Variants in PSD3 observed in about 807,000 individuals in gnomAD.
PSD3 encodes the protein PH and SEC7 domain-containing protein 3.
A neutral mutation model predicts 105.5 loss-of-function variants in PSD3; 49 were observed. The ratio of observed to expected loss-of-function variants is 0.46; its 90% CI spans 0.37 to 0.59. The LOEUF is 0.59. Among genes scored for constraint, PSD3 ranks in the 20% least tolerant of loss-of-function variants. PSD3 has a pLI of 0.00. For missense variants in PSD3, 1,561 were observed against 1,263.8 expected (o/e 1.24, Z -3.57); for synonymous variants, 557 against 457.8 (o/e 1.22, Z -2.77).
chr8:18,660,367 C>T (rs1809257743), intron 9 of PSD3, among the ~76,000 whole-genome samples: 1 of 152,104 alleles, frequency 6.6e-6, no homozygotes, highest in Non-Finnish European at 1.5e-5. Context: ...TGATTTCAGA[C>T]CTCTGGCCTC....
chr8:18,633,726 G>C (rs1368189361), intron 10 of PSD3, among the ~76,000 whole-genome samples: 4 of 152,080 alleles, frequency 2.6e-5, no homozygotes, highest in African/African-American at 4.8e-5. Context: ...AAACCTATGA[G>C]TGCATGTGTC....
At chr8:18,672,377 T>C (rs1230998900) in intron 9 of PSD3, among the ~76,000 whole-genome samples, 1 of 151,972 alleles carries the variant, frequency 6.6e-6, no homozygotes, top group Non-Finnish European at 1.5e-5. Flanking sequence ...GACTTTGACA[T>C]TTAGAGAGAA....
chr8:18,659,960 C>T (rs996149403), intron 9 of PSD3, among the ~76,000 whole-genome samples: 7 of 152,140 alleles, frequency 4.6e-5, no homozygotes, highest in African/African-American at 1.2e-4. Context: ...AAAGTTACCA[C>T]ATGGACCTTA....
intron 8 of PSD3, among the ~76,000 whole-genome samples, chr8:18,787,603 A>G (rs115678031): frequency 6.6e-6 from 1 of 152,170 alleles, no homozygotes; most frequent in Admixed American, 6.5e-5. Context: ...AATATTAATC[A>G]AAAGTCAAAA....
chr8:19,037,978 G>A (rs1026677366), intron 1 of PSD3, among the ~76,000 whole-genome samples: 3 of 149,080 alleles, frequency 2.0e-5, no homozygotes, highest in African/African-American at 7.4e-5. Context: ...ATAATTTTAG[G>A]AGAAAATTTA....
rs188386385 is a variant in PSD3, at chr8:18,718,067, C to T, written c.2172+47382G>A. Among the ~76,000 whole-genome samples, 361 of 152,254 alleles carry T rather than the reference C, an allele frequency of 2.4e-3. 1 individual carries two copies. The highest frequency in any genetic ancestry group is 8.1e-3 in the African/African-American group (338 of 41,524). On this transcript the variant is annotated intron_variant, in intron 9 of 15. Transcript: ENST00000327040. ...TTAACAGTCTTTCTTCAAGCACATT[C>T]GGCAGAAATGGAATTAGTTTCACCC...
At chr8:18,738,252 GAGA>G (rs541194925) in intron 9 of PSD3, among the ~76,000 whole-genome samples, 37 of 152,250 alleles carry the variant, frequency 2.4e-4, no homozygotes, top group African/African-American at 8.4e-4. Flanking sequence ...CCATGGCAGT[GAGA>G]AGGACAAGTA....
chr8:18,988,006 A>C (rs1164402124), intron 1 of PSD3, among the ~76,000 whole-genome samples: 3 of 149,702 alleles, frequency 2.0e-5, no homozygotes, highest in African/African-American at 7.3e-5. Context: ...AATAACACCG[A>C]ACAAAACAAA....
chr8:18,882,909 A>T (rs1818211712), intron 2 of PSD3, among the ~76,000 whole-genome samples: 1 of 152,048 alleles, frequency 6.6e-6, no homozygotes, highest in African/African-American at 2.4e-5. Flanking sequence ...ATAGTGGAGT[A>T]TGTATGTCTG....
chr8:18,997,130 T>A (rs1826123582), intron 1 of PSD3, among the ~76,000 whole-genome samples: 4 of 151,828 alleles, frequency 2.6e-5, no homozygotes, highest in Admixed American at 1.3e-4. Flanking sequence ...CCCTGTGGAT[T>A]TCATCCAGTT....
chr8:18,916,828 T>C (rs1820644530), intron 2 of PSD3, among the ~76,000 whole-genome samples: 1 of 152,094 alleles, frequency 6.6e-6, no homozygotes, highest in Non-Finnish European at 1.5e-5. Context: ...GATATAATAC[T>C]GTATGCCATA....
chr8:18,868,493 G>A (rs1817110521), intron 3 of PSD3, among the ~76,000 whole-genome samples: 1 of 152,098 alleles, frequency 6.6e-6, no homozygotes, highest in Admixed American at 6.5e-5. Flanking sequence ...TTCATCAGTT[G>A]ATTAATACTT....
chr8:18,880,141 G>T (rs1286069945), intron 2 of PSD3, among the ~76,000 whole-genome samples: 1 of 151,976 alleles, frequency 6.6e-6, no homozygotes, highest in Non-Finnish European at 1.5e-5. Flanking sequence ...CTTTTATTTA[G>T]AATTTCTGAT....
chr8:18,772,185 G>A (rs1322455406), intron 8 of PSD3, among the ~76,000 whole-genome samples: 3 of 152,138 alleles, frequency 2.0e-5, no homozygotes, highest in Non-Finnish European at 4.4e-5. Context: ...GTGTGGCTAC[G>A]AACATGGGTG....
chr8:18,607,882 T>C (rs911762237), intron 11 of PSD3, among the ~76,000 whole-genome samples: 7 of 152,052 alleles, frequency 4.6e-5, no homozygotes, highest in South Asian at 2.1e-4. Flanking sequence ...CTTCTTCACA[T>C]AGCAGCAGCA....
chr8:18,581,363 A>C (rs370880899), intron 12 of PSD3, among the ~76,000 whole-genome samples: 5 of 152,138 alleles, frequency 3.3e-5, no homozygotes, highest in Non-Finnish European at 7.4e-5. Context: ...CACATTTTTT[A>C]GGTACTCTTG....
chr8:18,893,611 G>A (rs1039577192), intron 2 of PSD3, among the ~76,000 whole-genome samples: 3 of 152,090 alleles, frequency 2.0e-5, no homozygotes, highest in African/African-American at 7.2e-5. Context: ...GGGTATCGGT[G>A]GGCTAGAGGG....
At chr8:18,716,745 G>A (rs1270317409) in intron 9 of PSD3, among the ~76,000 whole-genome samples, 2 of 152,158 alleles carry the variant, frequency 1.3e-5, no homozygotes, top group African/African-American at 4.8e-5. Flanking sequence ...TGTTCTCCAT[G>A]CTTGATTTAC....
intron 15 of PSD3, among the ~76,000 whole-genome samples, chr8:18,543,158 T>C (rs902738426): frequency 6.6e-5 from 10 of 152,324 alleles, no homozygotes; most frequent in African/African-American, 2.4e-4. Context: ...TTTGCTGTTT[T>C]GATAAAGCCT....
Sources: gnomAD v4.1 joint callset for allele counts (sites outside exome capture counted in the v4.1 genomes callset) on GRCh38, gnomAD v4.1.1 for gene constraint, MANE v1.5 for transcripts, NCBI Gene and HGNC (gene_info 2026-07-23, HGNC 2026-07-21) for gene names.